Variants in DCP1B observed in about 807,000 individuals in gnomAD.
The protein encoded by DCP1B is mRNA-decapping enzyme 1B.
Under a neutral mutation model 60.5 loss-of-function variants are expected in DCP1B, and 47 were observed. The observed-to-expected ratio is 0.78, with a 90% confidence interval of 0.61 to 0.99. The LOEUF is 0.99. Ranked by LOEUF, DCP1B falls within the 50% of genes least tolerant of loss-of-function variation. The pLI is 0.00. For missense variants in DCP1B, 725 were observed against 756.8 expected, an observed-to-expected ratio of 0.96 and a Z score of 0.49; for synonymous variants, 267 against 280.3, an observed-to-expected ratio of 0.95 and a Z score of 0.47.
chr12:1,962,165 A>G lies in DCP1B; in HGVS notation c.522+3393T>C, dbSNP rs1165009112. On this transcript the variant is annotated intron_variant, in intron 5 of 8. Transcript: ENST00000280665. The surrounding 1 kb of genome is among the most constrained non-coding windows in gnomAD (Gnocchi z 4.4). ...AGTTTGAATAACTCCAGCAGGCTCTAAACTGTATGAGTGGTCCCCAGTTGC... is the reference window on the plus strand; with the variant it reads ...AGTTTGAATAACTCCAGCAGGCTCTGAACTGTATGAGTGGTCCCCAGTTGC... 1.3e-5 allele frequency among the ~76,000 whole-genome samples: 2 copies of G among 152,198 alleles called. No individual in the cohort carries two copies. The highest frequency in any genetic ancestry group is 2.4e-5 in the African/African-American group (1 of 41,460).
chr12:1,949,346 A>G lies in DCP1B; in HGVS notation c.1525-12T>C, dbSNP rs2154456403. 1 of 1,612,142 alleles carries G rather than the reference A, an allele frequency of 6.2e-7. No individual in the cohort carries two copies. The highest frequency in any genetic ancestry group is 1.7e-4 in the Middle Eastern group (1 of 6,054). ...TGAGGTGAGATGACCTGCTCACAGC[A>G]AATACACACAGAGAGCGGGGTTCAG... On this transcript the variant is annotated splice_polypyrimidine_tract_variant and intron_variant, in intron 7 of 8. Coordinates refer to ENST00000280665, the MANE Select transcript of DCP1B (RefSeq NM_152640.5).
chr12:1,967,799 C>T, intron 4 of DCP1B, 45 bp downstream of exon 4: 1 of 1,548,922 alleles, frequency 6.5e-7, no homozygotes, highest in Non-Finnish European at 8.9e-7. Flanking sequence ...GAAATACAAA[C>T]AAAAGCACCA....
chr12:1,953,822 G>GC (rs1014468655), intron 6 of DCP1B, among the ~76,000 whole-genome samples: 2 of 152,150 alleles, frequency 1.3e-5, no homozygotes, highest in African/African-American at 4.8e-5. Flanking sequence ...ATCTACCTTG[G>GC]CCCAGCCAGT....
Position 1,952,330 on chromosome 12 carries a change from A to G in DCP1B, c.1524+86T>C, listed in dbSNP as rs1592778802. 4 of 1,422,156 alleles carry G rather than the reference A, an allele frequency of 2.8e-6. No homozygotes were observed. The East Asian group carries it at 9.4e-5, about 34-fold the overall frequency. The allele number at this position is 1,422,156 out of a possible 1,614,324, so 88.1% of individuals were successfully genotyped here. On this transcript the variant is annotated intron_variant, in intron 7 of 8. Coordinates refer to ENST00000280665, the MANE Select transcript of DCP1B (RefSeq NM_152640.5). ...CTGGTGCTATAGGCGTGTGACACCA[A>G]GCCTGGCTACTTTTTTTTTTTTTTT...
chr12:1,999,079 C>T (rs1405297352), intron 1 of DCP1B, among the ~76,000 whole-genome samples: 1 of 152,240 alleles, frequency 6.6e-6, no homozygotes, highest in Admixed American at 6.5e-5. Flanking sequence ...CCCAGATCAG[C>T]GGCATCAGCG....
chr12:1,951,773 T>C (rs1425190004), intron 7 of DCP1B, among the ~76,000 whole-genome samples: 4 of 152,208 alleles, frequency 2.6e-5, no homozygotes, highest in East Asian at 1.9e-4. Context: ...GCCTGACATG[T>C]AGTAAGTGCT....
At chr12:1,966,636 T>C (rs2062384230) in intron 4 of DCP1B, among the ~76,000 whole-genome samples, 1 of 152,092 alleles carries the variant, frequency 6.6e-6, no homozygotes, top group South Asian at 2.1e-4. Context: ...AATTATAACA[T>C]GGCCTCTTGG....
intron 1 of DCP1B, among the ~76,000 whole-genome samples, chr12:2,003,477 T>C (rs2042654610): frequency 6.6e-6 from 1 of 152,240 alleles, no homozygotes; most frequent in Non-Finnish European, 1.5e-5. Flanking sequence ...CAAAATTACA[T>C]GTCTCTACAT....
chr12:2,000,106 C>T (rs2041852102), intron 1 of DCP1B, among the ~76,000 whole-genome samples: 1 of 152,168 alleles, frequency 6.6e-6, no homozygotes, highest in Admixed American at 6.5e-5. Context: ...GTAAATGCTA[C>T]CTGAACAGTA....
In DCP1B at chr12:1,962,238, C is replaced by T. The variant is rs565067743; in HGVS notation, c.522+3320G>A. On this transcript the variant is annotated intron_variant, in intron 5 of 8. Transcript: ENST00000280665. This position sits in a 1 kb window ranked among gnomAD's most constrained non-coding sequence, Gnocchi z 4.4. ...TTAAGGCAGAGGAATATTGTACAGG[C>T]CAGAGACGAGGAGATACGTATGGCT... Among the ~76,000 whole-genome samples the T allele has an allele frequency of 5.3e-5, 8 of 152,230 alleles. No homozygotes were observed. The South Asian group carries it at 1.7e-3, about 32-fold the overall frequency.
At position 1,949,279 on chromosome 12, in the gene DCP1B, G is replaced by T; in HGVS notation, c.1580C>A (p.Pro527His). The T allele has an allele frequency of 1.9e-6, 3 of 1,614,130 alleles. No homozygotes were observed. The highest frequency in any genetic ancestry group is 2.5e-6 in the Non-Finnish European group (3 of 1,180,020). ...GGAGGTGGGTTGTGCGAACACCATGGGGGACATAAGCAGAGACGGAGCTGC... is the reference window on the plus strand; with the variant it reads ...GGAGGTGGGTTGTGCGAACACCATGTGGGACATAAGCAGAGACGGAGCTGC... ...ATAAPSLLMSPMVFAQPTSVP... is the reference protein window; with the variant it reads ...ATAAPSLLMSHMVFAQPTSVP... The change falls in exon 8 of 9, where the codon CCC becomes CAC. Residue 527 changes from proline (P) to histidine (H), a missense_variant. Physicochemically the swap from Pro to His is moderately conservative, Grantham distance 77 (BLOSUM62 -2). Coordinates refer to ENST00000280665, the MANE Select transcript of DCP1B (RefSeq NM_152640.5).
chr12:1,944,365 A>G (rs1404244830), downstream of DCP1B, among the ~76,000 whole-genome samples: 2 of 152,226 alleles, frequency 1.3e-5, no homozygotes, highest in African/African-American at 2.4e-5. Context: ...TGCCCAAAGT[A>G]ATTTATAGAT....
chr12:1,988,461 G>T (rs1477429631), intron 3 of DCP1B, among the ~76,000 whole-genome samples: 1 of 152,140 alleles, frequency 6.6e-6, no homozygotes, highest in Non-Finnish European at 1.5e-5. Context: ...CATTCTGCAG[G>T]GTGGGTCAAT....
At chr12:1,987,918 CCAAACT>C (rs1319848092) in intron 3 of DCP1B, among the ~76,000 whole-genome samples, 1 of 152,184 alleles carries the variant, frequency 6.6e-6, no homozygotes, top group Non-Finnish European at 1.5e-5. Context: ...CATATCATCA[CCAAACT>C]CTTAAAAAGT....
chr12:1,964,182 A>AT (rs1053154019), intron 5 of DCP1B, among the ~76,000 whole-genome samples: 1 of 152,054 alleles, frequency 6.6e-6, no homozygotes, highest in Non-Finnish European at 1.5e-5. Context: ...AGTCACTCTA[A>AT]TTTTTTTTCT....
chr12:1,993,153 C>G (rs746277565), intron 3 of DCP1B, 111 bp downstream of exon 3: 3 of 1,391,504 alleles, frequency 2.2e-6, no homozygotes, highest in Non-Finnish European at 1.0e-6. Flanking sequence ...ATGCTGACAC[C>G]CCCCATAGCC....
chr12:1,997,712 C>T (rs949708483), intron 2 of DCP1B, among the ~76,000 whole-genome samples: 1 of 152,198 alleles, frequency 6.6e-6, no homozygotes, highest in Non-Finnish European at 1.5e-5. Context: ...AGTTCATCTA[C>T]ATTGAAGTTT....
chr12:1,950,222 G>A lies in DCP1B; in HGVS notation c.1525-888C>T. 7.8e-6 allele frequency: 5 copies of A among 637,452 alleles called. No homozygotes were observed. The South Asian group carries it at 8.6e-5, about 11-fold the overall frequency. The allele number at this position is 637,452 out of a possible 1,614,324, so 39.5% of individuals were successfully genotyped here. A position where few individuals can be genotyped will look rare whatever the true frequency, so the allele number is the denominator to read the frequency against. On this transcript the variant is annotated intron_variant, in intron 7 of 8. Transcript: ENST00000280665. ...CTCTTTGAGCAAAAGTTGGCCTAGA[G>A]GAAGGCAGGCTGTTTCTTTTAACTT...
chr12:1,963,007 C>T (rs1017069143), intron 5 of DCP1B, among the ~76,000 whole-genome samples: 1 of 152,182 alleles, frequency 6.6e-6, no homozygotes, highest in Non-Finnish European at 1.5e-5. Context: ...TACCTTGTCT[C>T]CCCTCACTCC....
Sources: allele counts gnomAD v4.1 joint callset (sites outside exome capture counted in the v4.1 genomes callset), GRCh38; gene constraint gnomAD v4.1.1; non-coding constraint Gnocchi (gnomAD v3.1); transcripts MANE v1.5; gene names NCBI Gene and HGNC (gene_info 2026-07-23, HGNC 2026-07-21).